PLCB4: variants seen among roughly 807,000 people sequenced by gnomAD.
PLCB4 encodes the protein phospholipase C beta 4.
Under a neutral mutation model 178.8 loss-of-function variants are expected in PLCB4, and 77 were observed. The observed-to-expected ratio is 0.43, with a 90% confidence interval of 0.36 to 0.52. The LOEUF (loss-of-function observed/expected upper bound fraction) is 0.52. Among genes scored for constraint, PLCB4 ranks in the 20% least tolerant of loss-of-function variants. The probability of loss-of-function intolerance (pLI) is 0.00; values close to 1 mark genes in which losing one functional copy is unlikely to be tolerated. For missense variants in PLCB4, 1,024 were observed against 1,453.4 expected (o/e 0.70, Z 4.80); for synonymous variants, 496 against 490.8 (o/e 1.01, Z -0.14).
chr20:9,140,875 A>G (rs2092475613), intron 2 of PLCB4, among the ~76,000 whole-genome samples: 1 of 152,090 alleles, frequency 6.6e-6, no homozygotes, highest in South Asian at 2.1e-4. Flanking sequence ...ATGGACTAAC[A>G]CAGAGGTAGT....
intron 3 of PLCB4, among the ~76,000 whole-genome samples, chr20:9,230,294 G>C (rs947031862): frequency 6.6e-6 from 1 of 152,048 alleles, no homozygotes; most frequent in African/African-American, 2.4e-5. Context: ...CATGTTCTGA[G>C]GTACTTGGGG....
chr20:9,383,724 A>G (rs983312105), intron 13 of PLCB4, among the ~76,000 whole-genome samples: 2 of 152,226 alleles, frequency 1.3e-5, no homozygotes, highest in Admixed American at 6.5e-5. Context: ...AGTGAGAACA[A>G]TGTCTTATAA....
intron 2 of PLCB4, among the ~76,000 whole-genome samples, chr20:9,175,051 T>C (rs1444209564): frequency 6.6e-6 from 1 of 152,220 alleles, no homozygotes; most frequent in Non-Finnish European, 1.5e-5. Context: ...AGAACTATAG[T>C]AGGACATAGG....
chr20:9,402,216 C>T (rs1048157526), intron 20 of PLCB4, among the ~76,000 whole-genome samples: 17 of 152,236 alleles, frequency 1.1e-4, no homozygotes, highest in African/African-American at 3.4e-4. Context: ...TTACAACTTA[C>T]GGTGAGTGCA....
rs536137079 is a variant in PLCB4, at chr20:9,097,194, G to GA, written c.-79+855dup. ...AAGTGAGCTGCCTACCCCGGCCTCC[G>GA]AAAGTGCTGGGATTATGGGTGTGAG... On this transcript the variant is annotated intron_variant, in intron 2 of 39. Transcript: ENST00000378473. Among the ~76,000 whole-genome samples the GA allele has an allele frequency of 3.7e-3, 554 of 148,390 alleles. 5 individuals are homozygous for GA. Among genetic ancestry groups the GA allele is most frequent in the African/African-American group, 0.013 (518 of 40,138 alleles).
intron 24 of PLCB4, 23 bp downstream of exon 24, chr20:9,409,204 C>G: frequency 6.4e-7 from 1 of 1,566,980 alleles, no homozygotes; most frequent in Admixed American, 2.2e-5. Flanking sequence ...GTCCAGTGAC[C>G]CCAAATTCCA....
chr20:9,114,929 C>G (rs955513643), intron 2 of PLCB4, among the ~76,000 whole-genome samples: 1 of 152,102 alleles, frequency 6.6e-6, no homozygotes, highest in Non-Finnish European at 1.5e-5. Context: ...TCTGTGACAC[C>G]GGCCTTTGGT....
At chr20:9,448,750 C>T (rs1466013577) in intron 32 of PLCB4, among the ~76,000 whole-genome samples, 4 of 151,712 alleles carry the variant, frequency 2.6e-5, no homozygotes, top group Admixed American at 2.0e-4. Flanking sequence ...ATAAATAATT[C>T]TACTTTTTAG....
chr20:9,105,915 A>G (rs1018480233), intron 2 of PLCB4, among the ~76,000 whole-genome samples: 3 of 152,120 alleles, frequency 2.0e-5, no homozygotes, highest in East Asian at 1.9e-4. Context: ...ATCTCTAACT[A>G]GAAACCATGA....
intron 3 of PLCB4, among the ~76,000 whole-genome samples, chr20:9,247,478 C>T (rs540331146): frequency 2.6e-5 from 4 of 152,314 alleles, no homozygotes; most frequent in South Asian, 4.1e-4. Context: ...ATACAACCCT[C>T]TTCAAGTGCA....
intron 4 of PLCB4, among the ~76,000 whole-genome samples, chr20:9,327,706 G>A (rs941043535): frequency 1.3e-5 from 2 of 152,062 alleles, no homozygotes; most frequent in Admixed American, 1.3e-4. Flanking sequence ...AACCCAGAAG[G>A]CAGAGGTTGC....
At chr20:9,133,235 T>C (rs2146825386) in intron 2 of PLCB4, among the ~76,000 whole-genome samples, 1 of 152,272 alleles carries the variant, frequency 6.6e-6, no homozygotes, top group South Asian at 2.1e-4. Flanking sequence ...TTGTGCATAC[T>C]TCTGTTTTTC....
At chr20:9,312,436 C>T (rs1235589538) in intron 4 of PLCB4, among the ~76,000 whole-genome samples, 1 of 151,096 alleles carries the variant, frequency 6.6e-6, no homozygotes, top group African/African-American at 2.4e-5. Context: ...AAAACTGAGA[C>T]AATTATTGCA....
At chr20:9,190,321 C>T (rs935284064) in intron 2 of PLCB4, among the ~76,000 whole-genome samples, 5 of 152,064 alleles carry the variant, frequency 3.3e-5, no homozygotes, top group Non-Finnish European at 7.4e-5. Context: ...TGGTTTCCCC[C>T]GTGCTATTCT....
chr20:9,162,341 G>C (rs1365638051), intron 2 of PLCB4, among the ~76,000 whole-genome samples: 1 of 152,140 alleles, frequency 6.6e-6, no homozygotes, highest in Non-Finnish European at 1.5e-5. Context: ...GAAGCAAAAT[G>C]TGGCGATTTG....
intron 2 of PLCB4, among the ~76,000 whole-genome samples, chr20:9,154,566 C>G (rs1441253087): frequency 6.6e-6 from 1 of 152,162 alleles, no homozygotes; most frequent in Non-Finnish European, 1.5e-5. Context: ...CTGCTTCACT[C>G]TGGCCCCCTT....
chr20:9,286,446 T>G (rs761988032), intron 3 of PLCB4, among the ~76,000 whole-genome samples: 8 of 152,072 alleles, frequency 5.3e-5, no homozygotes, highest in Non-Finnish European at 8.8e-5. Context: ...CTTCTGGTTT[T>G]ACTTCAATGT....
At position 9,265,805 on chromosome 20, in the gene PLCB4, A is replaced by C. The variant is rs552486895; in HGVS notation, c.-15-41995A>C. ...GTGCTGTTGATGGATGCCCTGCCTC[A>C]GTGGGTCAAAAAGCATAGTGCCTGG... On this transcript the variant is annotated intron_variant, in intron 3 of 39. Transcript: ENST00000378473. Among the ~76,000 whole-genome samples, 4 of 152,296 alleles carry C rather than the reference A, an allele frequency of 2.6e-5. No individual in the cohort carries two copies. In the East Asian group the frequency reaches 7.7e-4, roughly 29 times the overall value.
At chr20:9,154,966 T>TC in intron 2 of PLCB4, among the ~76,000 whole-genome samples, 2 of 144,196 alleles carry the variant, frequency 1.4e-5, no homozygotes, top group South Asian at 2.3e-4. Flanking sequence ...CTTCCTTCCT[T>TC]CTGCTTTTGG....
Sources: gnomAD v4.1 joint callset for allele counts (sites outside exome capture counted in the v4.1 genomes callset) on GRCh38, gnomAD v4.1.1 for gene constraint, MANE v1.5 for transcripts, NCBI Gene and HGNC (gene_info 2026-07-23, HGNC 2026-07-21) for gene names.